Variants in TBCCD1 observed in about 807,000 individuals in gnomAD.
TBCCD1 encodes TBCC domain containing 1, also known as TBCC domain-containing protein 1.
TBCCD1 carries 26 observed loss-of-function variants against 53.4 expected under a neutral mutation model. The ratio of observed to expected loss-of-function variants is 0.49; its 90% CI spans 0.36 to 0.68. TBCCD1 has a LOEUF of 0.68. Ranked by LOEUF, TBCCD1 falls within the 30% of genes least tolerant of loss-of-function variation. TBCCD1 has a pLI of 0.00. For missense variants in TBCCD1, 558 were observed against 669.5 expected (o/e 0.83, Z 1.84); for synonymous variants, 245 against 241.7 (o/e 1.01, Z -0.13).
At chr3:186,558,769 T>C (rs1714612756) in intron 2 of TBCCD1, among the ~76,000 whole-genome samples, 197 bp from the exon 3 acceptor site, 1 of 152,146 alleles carries the variant, frequency 6.6e-6, no homozygotes, top group Non-Finnish European at 1.5e-5. Flanking sequence ...AGACAGAGTT[T>C]CACTCTTGTC....
chr3:186,548,959 G>A (rs981550873), intron 7 of TBCCD1, among the ~76,000 whole-genome samples: 4 of 152,160 alleles, frequency 2.6e-5, no homozygotes, highest in Admixed American at 6.5e-5. Context: ...TGCTGGAAAT[G>A]ATAAATATAT....
intron 3 of TBCCD1, 148 bp downstream of exon 3, chr3:186,558,269 T>C (rs2108460325): frequency 2.9e-6 from 3 of 1,029,066 alleles, no homozygotes; most frequent in East Asian, 5.1e-5. Flanking sequence ...CTGATTTTGT[T>C]TTATAATTTA....
intron 2 of TBCCD1, among the ~76,000 whole-genome samples, chr3:186,563,670 A>T (rs1714744970): frequency 6.6e-6 from 1 of 152,274 alleles, no homozygotes; most frequent in Non-Finnish European, 1.5e-5. Flanking sequence ...AATACATGAA[A>T]TACTGCCAAA....
intron 6 of TBCCD1, 36 bp from the exon 7 acceptor site, chr3:186,551,315 A>C: frequency 6.3e-7 from 1 of 1,579,564 alleles, no homozygotes; most frequent in Non-Finnish European, 8.7e-7. Flanking sequence ...GAATATAAGA[A>C]CATGAATTCA....
rs1435770776 is a variant in TBCCD1 at position 186,558,468 on chromosome 3, T to G, written c.441A>C (p.Arg147Ser). 1.9e-6 allele frequency: 3 copies of G among 1,614,216 alleles called. No homozygotes were observed. The highest frequency in any genetic ancestry group is 2.7e-5 in the African/African-American group (2 of 75,062). ...TCAGGTCAGGAGACTGAGATTTGTTTCTGGGACTGGGCCACTCTTCGCCAA... is the reference window on the plus strand; with the variant it reads ...TCAGGTCAGGAGACTGAGATTTGTTGCTGGGACTGGGCCACTCTTCGCCAA... Reference protein sequence around the residue: ...SLIGEEWPSPRNKSQSPDLTE... With the variant: ...SLIGEEWPSPSNKSQSPDLTE... The change falls in exon 3 of 8, where the codon AGA becomes AGC. Residue 147 changes from arginine (R) to serine (S), a missense_variant. Transcript: ENST00000338733.
chr3:186,563,879 C>T, intron 2 of TBCCD1, 115 bp downstream of exon 2: 1 of 1,291,462 alleles, frequency 7.7e-7, no homozygotes, highest in Non-Finnish European at 1.0e-6. Flanking sequence ...GCCTGGGCAA[C>T]AAAGTGAAAC....
intron 4 of TBCCD1, among the ~76,000 whole-genome samples, chr3:186,555,315 A>T (rs558371536): frequency 4.6e-5 from 7 of 152,306 alleles, no homozygotes; most frequent in Non-Finnish European, 8.8e-5. Flanking sequence ...AAAACCTATA[A>T]TGAATTTAAG....
intron 2 of TBCCD1, 140 bp downstream of exon 2, chr3:186,563,854 G>T: frequency 2.0e-6 from 2 of 982,410 alleles, no homozygotes; most frequent in Non-Finnish European, 2.9e-6. Context: ...GCTTGAAGCC[G>T]GGAGTTCAAG....
intron 6 of TBCCD1, chr3:186,553,467 T>A (rs73057410): frequency 6.6e-6 from 1 of 152,130 alleles, no homozygotes; most frequent in Non-Finnish European, 1.5e-5. Context: ...TAGAGGCATT[T>A]AAGAACCTCT....
At chr3:186,560,638 T>C (rs534903109) in intron 2 of TBCCD1, among the ~76,000 whole-genome samples, 5 of 152,346 alleles carry the variant, frequency 3.3e-5, no homozygotes, top group South Asian at 2.1e-4. Flanking sequence ...TTGCTCACTT[T>C]CAAATTCTCT....
chr3:186,554,880 C>G lies in TBCCD1; in HGVS notation c.1046+18G>C, dbSNP rs114883750. The G allele has an allele frequency of 7.4e-4, 1,188 of 1,611,928 alleles. 14 individuals are homozygous for G. The African/African-American group carries it at 0.014, about 20-fold the overall frequency. The stretch of plus-strand genomic sequence containing the variant: ...AGAAAATGTCAGAACATCAGAACAC[C>G]ATGAAAACTGTGCTTACCGTAAGGG... On this transcript the variant is annotated intron_variant, in intron 5 of 7. Transcript: ENST00000338733.
At chr3:186,565,040 G>A (rs1448668322) in intron 1 of TBCCD1, among the ~76,000 whole-genome samples, 2 of 151,786 alleles carry the variant, frequency 1.3e-5, no homozygotes, top group Admixed American at 6.6e-5. Context: ...ACAAAAACAG[G>A]GAACCATCCA....
intron 3 of TBCCD1, among the ~76,000 whole-genome samples, chr3:186,557,151 C>T (rs1190299731): frequency 6.6e-6 from 1 of 152,194 alleles, no homozygotes; most frequent in African/African-American, 2.4e-5. Flanking sequence ...CAATCAGTTA[C>T]TCAGAGAGGT....
chr3:186,555,043 G>A lies in TBCCD1; in HGVS notation c.901C>T (p.His301Tyr). The A allele has an allele frequency of 6.2e-7, 1 of 1,612,202 alleles. No homozygotes were observed. Residue 301 changes from histidine to tyrosine, a missense_variant, in exon 5 of 8, where the codon CAT becomes TAT. Coordinates refer to ENST00000338733, the MANE Select transcript of TBCCD1 (RefSeq NM_018138.5). ...TKRAKIACNT[H>Y]VAPRMHRLVV... is the part of the protein sequence containing the mutation. ...AGTCGGTGCATCCTAGGGGCCACAT[G>A]AGTATTACAAGCAATCTTAGCTCTT...
At position 186,564,063 on chromosome 3, in the gene TBCCD1, C is replaced by T. The variant is rs1190767205; in HGVS notation, c.267G>A (p.Glu89=). 1.5e-5 allele frequency: 25 copies of T among 1,614,188 alleles called. No homozygotes were observed. The highest frequency in any genetic ancestry group is 1.9e-5 in the Non-Finnish European group (23 of 1,180,042). The change falls in exon 2 of 8, where the codon GAG becomes GAA. Residue 89 remains glutamate (E), a synonymous_variant. Coordinates refer to ENST00000338733, the MANE Select transcript of TBCCD1 (RefSeq NM_018138.5). ...FDSLSMKTPE[E]RLEWSEVLSN... ...ACAGAACCTCAGACCATTCCAGGCG[C>T]TCCTCAGGTGTCTTCATTGAAAGAC...
chr3:186,564,974 T>C (rs563130138), intron 1 of TBCCD1, among the ~76,000 whole-genome samples: 2 of 152,236 alleles, frequency 1.3e-5, no homozygotes, highest in African/African-American at 4.8e-5. Flanking sequence ...TGTGATTTTT[T>C]AGATTTTTTT....
At chr3:186,560,776 A>T (rs1239336762) in intron 2 of TBCCD1, among the ~76,000 whole-genome samples, 1 of 152,226 alleles carries the variant, frequency 6.6e-6, no homozygotes. Context: ...GTTTATGTCA[A>T]ATCTGAGCAA....
chr3:186,554,508 C>T lies in TBCCD1; in HGVS notation c.1290G>A (p.Met430Ile), dbSNP rs917608691. The T allele has an allele frequency of 6.2e-6, 10 of 1,614,110 alleles. No homozygotes were observed. In the African/African-American group the frequency reaches 9.3e-5, roughly 15 times the overall value. The change falls in exon 6 of 8, where the codon ATG becomes ATA. Residue 430 changes from methionine to isoleucine, a missense_variant. Transcript: ENST00000338733. ...HTHYPMLEDH[M>I]ARTGLATVPN... is the part of the protein sequence containing the mutation. ...GCACTGTAGCAAGGCCAGTCCTGGC[C>T]ATATGGTCCTCTAGCATTGGGTAAT... is the stretch of plus-strand genomic sequence containing the variant.
Position 186,555,023 on chromosome 3 carries a change from G to A in TBCCD1, c.921C>T (p.His307=), listed in dbSNP as rs368536909. 8.7e-6 allele frequency: 14 copies of A among 1,613,840 alleles called. No homozygotes were observed. The highest frequency in any genetic ancestry group is 1.1e-5 in the Non-Finnish European group (13 of 1,179,972). The change falls in exon 5 of 8, where the codon CAC becomes CAT. Residue 307 remains histidine, a synonymous_variant. Coordinates refer to ENST00000338733, the MANE Select transcript of TBCCD1 (RefSeq NM_018138.5). ...AAACCTGGCTCATCACTACCAGTCGGTGCATCCTAGGGGCCACATGAGTAT... is the reference window on the plus strand; with the variant it reads ...AAACCTGGCTCATCACTACCAGTCGATGCATCCTAGGGGCCACATGAGTAT... ...ACNTHVAPRM[H]RLVVMSQVYK...
Sources: allele counts gnomAD v4.1 joint callset (sites outside exome capture counted in the v4.1 genomes callset), GRCh38; gene constraint gnomAD v4.1.1; transcripts MANE v1.5; gene names NCBI Gene and HGNC (gene_info 2026-07-23, HGNC 2026-07-21).